FAAP100: variants seen among roughly 807,000 people sequenced by gnomAD.
FAAP100 encodes Fanconi anemia core complex-associated protein 100.
Under a neutral mutation model 65.8 loss-of-function variants are expected in FAAP100, and 46 were observed. That is an observed-to-expected ratio of 0.70 (90% CI 0.55 to 0.89). FAAP100 has a LOEUF of 0.89. FAAP100 is among the 40% of genes least tolerant of loss of function. FAAP100 has a pLI of 0.00. For synonymous variants in FAAP100, 663 were observed against 555.1 expected (o/e 1.19, Z -2.73); for missense variants, 1,165 against 1,196.7 (o/e 0.97, Z 0.39).
Position 81,550,789 on chromosome 17 carries a change from G to A in FAAP100, c.705C>T (p.Leu235=). ...FGLLFGADAT[L]LQSPVVLCGL... ...CACAGAGGACCACAGGTGACTGCAG[G>A]AGGGTGGCATCAGCTCCAAAGAGGA... Residue 235 remains leucine (L), a synonymous_variant, in exon 3 of 9, where the codon CTC becomes CTT. Coordinates refer to ENST00000327787, the MANE Select transcript of FAAP100 (RefSeq NM_025161.6). 2 of 1,612,798 alleles carry A rather than the reference G, an allele frequency of 1.2e-6. No homozygotes were observed. Among genetic ancestry groups the A allele is most frequent in the South Asian group, 2.2e-5 (2 of 91,072 alleles).
At chr17:81,551,825 C>A (rs1358145477) in intron 2 of FAAP100, 103 bp downstream of exon 2, 52 of 1,391,294 alleles carry the variant, frequency 3.7e-5, no homozygotes, top group Non-Finnish European at 4.2e-5. Context: ...TCAGAGCTGG[C>A]GGCAGCCCGG....
At chr17:81,544,510 C>T (rs2033227135) in intron 6 of FAAP100, among the ~76,000 whole-genome samples, 1 of 152,166 alleles carries the variant, frequency 6.6e-6, no homozygotes, top group South Asian at 2.1e-4. Flanking sequence ...CAGATCCGTC[C>T]CCCCACACCA....
chr17:81,544,787 G>T (rs527331899), intron 6 of FAAP100, among the ~76,000 whole-genome samples: 10 of 152,362 alleles, frequency 6.6e-5, no homozygotes, highest in Admixed American at 1.3e-4. Context: ...GCACCGACCT[G>T]CCGGGCCACC....
intron 4 of FAAP100, 23 bp from the exon 5 acceptor site, chr17:81,547,701 C>T: frequency 3.7e-6 from 6 of 1,604,892 alleles, no homozygotes; most frequent in Non-Finnish European, 5.1e-6. Context: ...GACATGACCC[C>T]CGGGAGCGGG....
Position 81,541,430 on chromosome 17 carries a change from G to A in FAAP100, c.2428-35C>T, listed in dbSNP as rs773962005. The A allele has an allele frequency of 6.5e-6, 10 of 1,549,158 alleles. No homozygotes were observed. The South Asian group carries it at 1.0e-4, about 16-fold the overall frequency. ...ACAGGAGACATGCTGGAGAGGGTGTGCCCCAGCACCTGCCCCCACACCCCT... is the reference window on the plus strand; with the variant it reads ...ACAGGAGACATGCTGGAGAGGGTGTACCCCAGCACCTGCCCCCACACCCCT... On this transcript the variant is annotated intron_variant, in intron 7 of 8. Transcript: ENST00000327787.
chr17:81,543,132 C>T (rs142775105), intron 7 of FAAP100, among the ~76,000 whole-genome samples: 3 of 152,290 alleles, frequency 2.0e-5, no homozygotes, highest in Admixed American at 6.5e-5. Context: ...TCATTGGGGT[C>T]GGCCATCTGA....
chr17:81,543,348 C>T (rs1425159496), intron 7 of FAAP100, among the ~76,000 whole-genome samples: 1 of 152,196 alleles, frequency 6.6e-6, no homozygotes, highest in Non-Finnish European at 1.5e-5. Flanking sequence ...GAACCGGTTT[C>T]TAGGGTCGCT....
In FAAP100 at chr17:81,547,189, G is replaced by A. The variant is rs748722353; in HGVS notation, c.1893C>T (p.Val631=). The part of the protein sequence containing the change: ...DPFLDECPSD[V]LPEQEGVCLP... ...GGCAAACACCCTCTTGCTCGGGCAG[G>A]ACGTCGGAGGGGCACTCATCCAGAA... Residue 631 remains valine (V), a synonymous_variant, in exon 5 of 9, where the codon GTC becomes GTT. Transcript: ENST00000327787. 4 of 1,555,386 alleles carry A rather than the reference G, an allele frequency of 2.6e-6. No individual in the cohort carries two copies. Among genetic ancestry groups the A allele is most frequent in the Non-Finnish European group, 3.5e-6 (4 of 1,148,224 alleles).
At chr17:81,542,472 A>C (rs1311691636) in intron 7 of FAAP100, among the ~76,000 whole-genome samples, 1 of 152,090 alleles carries the variant, frequency 6.6e-6, no homozygotes, top group East Asian at 1.9e-4. Context: ...TGAAGAGACG[A>C]CACCCTGAGG....
chr17:81,540,223 C>G lies in FAAP100; in HGVS notation c.*596G>C. ...TTGGTGTGGCACGAGACCACGGGCACTTGCAGGAGCTCCCTGCATGCTGTT... is the reference window on the plus strand; with the variant it reads ...TTGGTGTGGCACGAGACCACGGGCAGTTGCAGGAGCTCCCTGCATGCTGTT... On this transcript the variant is annotated 3_prime_UTR_variant, in exon 9 of 9. Coordinates refer to ENST00000327787, the MANE Select transcript of FAAP100 (RefSeq NM_025161.6). The G allele has an allele frequency of 5.0e-6, 2 of 399,026 alleles. No homozygotes were observed. The highest frequency in any genetic ancestry group is 8.8e-6 in the Non-Finnish European group (2 of 226,200). The allele number at this position is 399,026 out of a possible 1,614,324, so 24.7% of individuals were successfully genotyped here. A position where few individuals can be genotyped will look rare whatever the true frequency, so the allele number is the denominator to read the frequency against.
rs760075135 is a variant in FAAP100, at chr17:81,551,974, G to A, written c.244C>T (p.Arg82Trp). 19 of 1,564,918 alleles carry A rather than the reference G, an allele frequency of 1.2e-5. No homozygotes were observed. Among genetic ancestry groups the A allele is most frequent in the Middle Eastern group, 1.7e-4 (1 of 5,886 alleles). Residue 82 changes from arginine (R) to tryptophan (W), a missense_variant, in exon 2 of 9, where the codon CGG becomes TGG. Arg to Trp is a moderately radical substitution (Grantham distance 101). Coordinates refer to ENST00000327787, the MANE Select transcript of FAAP100 (RefSeq NM_025161.6). ...AGCGACAGGCAGTAGAGGCCCCTCC[G>A]GGCGCACAGCGCGTACAGCAACCTG... ...PRRLLYALCA[R>W]RGLYCLSLDH... is the part of the protein sequence containing the mutation.
In FAAP100 at chr17:81,550,440, A is replaced by G; in HGVS notation, c.1054T>C (p.Cys352Arg). Residue 352 changes from cysteine (C) to arginine (R), a missense_variant, in exon 3 of 9, where the codon TGT becomes CGT. Cys to Arg is a radical substitution (Grantham distance 180). Transcript: ENST00000327787. Reference sequence around the variant, plus strand: ...TGGTACACGCGGCCACCCCCGCCACAGGCAGCGCAGAGCACAGGGCCTGGG... The same window carrying G: ...TGGTACACGCGGCCACCCCCGCCACGGGCAGCGCAGAGCACAGGGCCTGGG... ...CLPGPVLCAA[C>R]GGGGRVYHST... 2 of 1,612,628 alleles carry G rather than the reference A, an allele frequency of 1.2e-6. No individual in the cohort carries two copies. The highest frequency in any genetic ancestry group is 1.7e-6 in the Non-Finnish European group (2 of 1,179,940).
chr17:81,540,218 G>A lies in FAAP100; in HGVS notation c.*601C>T, dbSNP rs1223268334. ...CTTCCTTGGTGTGGCACGAGACCAC[G>A]GGCACTTGCAGGAGCTCCCTGCATG... On this transcript the variant is annotated 3_prime_UTR_variant, in exon 9 of 9. Coordinates refer to ENST00000327787, the MANE Select transcript of FAAP100 (RefSeq NM_025161.6). The A allele has an allele frequency of 7.5e-6, 3 of 399,006 alleles. No homozygotes were observed. The highest frequency in any genetic ancestry group is 1.3e-4 in the South Asian group (1 of 7,868). 24.7% of individuals were successfully genotyped at this position (399,006 alleles called of 1,614,324 possible).
rs934281939 is a variant in FAAP100, at chr17:81,540,726, A to G, written c.*93T>C. 3.3e-5 allele frequency: 46 copies of G among 1,394,352 alleles called. No individual in the cohort carries two copies. The highest frequency in any genetic ancestry group is 5.6e-6 in the Non-Finnish European group (6 of 1,071,088). The allele number at this position is 1,394,352 out of a possible 1,614,324, so 86.4% of individuals were successfully genotyped here. The stretch of plus-strand genomic sequence containing the variant: ...CCTACCTTCCCTGACGGCTCTGGCC[A>G]GGCCAGCTCGGTTTCCCTCTAACCC... On this transcript the variant is annotated 3_prime_UTR_variant, in exon 9 of 9. Transcript: ENST00000327787.
intron 3 of FAAP100, 45 bp from the exon 4 acceptor site, chr17:81,549,407 CA>C (rs747804907): frequency 4.5e-6 from 7 of 1,571,666 alleles, no homozygotes; most frequent in Non-Finnish European, 6.0e-6. Flanking sequence ...CTGGGAGGGG[CA>C]AGCAGCATGA....
intron 4 of FAAP100, chr17:81,548,069 C>CT (rs1320802470): frequency 1.5e-6 from 1 of 658,772 alleles, no homozygotes; most frequent in South Asian, 1.6e-5. Flanking sequence ...TAGTGGGCCT[C>CT]TTTTCTCCCT....
At chr17:81,545,342 G>A (rs1005602404) in intron 6 of FAAP100, among the ~76,000 whole-genome samples, 5 of 152,262 alleles carry the variant, frequency 3.3e-5, no homozygotes, top group Non-Finnish European at 5.9e-5. Context: ...CACGACAGGG[G>A]CTGGAGACCA....
chr17:81,548,909 G>A (rs1345368833), intron 4 of FAAP100, among the ~76,000 whole-genome samples: 2 of 150,978 alleles, frequency 1.3e-5, no homozygotes, highest in Non-Finnish European at 3.0e-5. Context: ...GCGTGGTGGC[G>A]GGCGCCTGTA....
chr17:81,540,846 C>T lies in FAAP100; in HGVS notation c.2619G>A (p.Leu873=). 3 of 1,541,156 alleles carry T rather than the reference C, an allele frequency of 1.9e-6. No homozygotes were observed. Among genetic ancestry groups the T allele is most frequent in the Non-Finnish European group, 2.6e-6 (3 of 1,145,996 alleles). ...AQRLLQVYRQ[L]RHPSLILL ...ACAGCAGGATGAGGCTGGGGTGGCG[C>T]AGCTGCCGGTACACCTGTAGCAGCC... The change falls in exon 9 of 9, where the codon CTG becomes CTA. Residue 873 remains leucine, a synonymous_variant. Coordinates refer to ENST00000327787, the MANE Select transcript of FAAP100 (RefSeq NM_025161.6).
Sources: gnomAD v4.1 joint callset for allele counts (sites outside exome capture counted in the v4.1 genomes callset) on GRCh38, gnomAD v4.1.1 for gene constraint, MANE v1.5 for transcripts, NCBI Gene and HGNC (gene_info 2026-07-23, HGNC 2026-07-21) for gene names.